Variants in MAN2A1 observed in about 807,000 individuals in gnomAD.
MAN2A1 encodes the protein alpha-mannosidase 2.
Under a neutral mutation model 142.6 loss-of-function variants are expected in MAN2A1, and 76 were observed. That is an observed-to-expected ratio of 0.53 (90% CI 0.44 to 0.65). MAN2A1 has a LOEUF of 0.65. Ranked by LOEUF, MAN2A1 falls within the 30% of genes least tolerant of loss-of-function variation. MAN2A1 has a pLI of 0.00. For missense variants in MAN2A1, 1,311 were observed against 1,365.1 expected, an observed-to-expected ratio of 0.96 and a Z score of 0.62; for synonymous variants, 559 against 473.2, an observed-to-expected ratio of 1.18 and a Z score of -2.35.
chr5:109,726,061 A>T (rs1420277663), intron 3 of MAN2A1, among the ~76,000 whole-genome samples: 1 of 152,182 alleles, frequency 6.6e-6, no homozygotes, highest in Non-Finnish European at 1.5e-5. Flanking sequence ...GGAAAAGAAT[A>T]AATTGAAAGG....
chr5:109,852,784 A>G (rs1028257838), intron 19 of MAN2A1, among the ~76,000 whole-genome samples: 3 of 152,238 alleles, frequency 2.0e-5, no homozygotes, highest in African/African-American at 7.2e-5. Context: ...CATGTTTTTA[A>G]AACTTTGGGT....
At chr5:109,763,055 G>A (rs1176326509) in intron 5 of MAN2A1, among the ~76,000 whole-genome samples, 1 of 152,198 alleles carries the variant, frequency 6.6e-6, no homozygotes, top group Non-Finnish European at 1.5e-5. Context: ...TCGTTATCAT[G>A]CTGGCTCAAG....
At chr5:109,724,369 A>T (rs570976690) in intron 3 of MAN2A1, among the ~76,000 whole-genome samples, 77 of 152,314 alleles carry the variant, frequency 5.1e-4, no homozygotes, top group African/African-American at 1.8e-3. Context: ...CCAAACCTCA[A>T]CATCATGCAA....
chr5:109,834,430 CT>C (rs1755008287), intron 16 of MAN2A1, among the ~76,000 whole-genome samples: 1 of 67,062 alleles, frequency 1.5e-5, no homozygotes, highest in African/African-American at 1.5e-4. Context: ...AACATTAGTA[CT>C]TTAAAAAAAA....
At chr5:109,692,969 A>T (rs897007942) in intron 1 of MAN2A1, among the ~76,000 whole-genome samples, 6 of 152,056 alleles carry the variant, frequency 3.9e-5, no homozygotes, top group Admixed American at 2.6e-4. Context: ...ATCTGACAGG[A>T]GGTGGAGCTC....
At chr5:109,731,397 C>A (rs1246223322) in intron 4 of MAN2A1, among the ~76,000 whole-genome samples, 2 of 151,236 alleles carry the variant, frequency 1.3e-5, no homozygotes, top group African/African-American at 4.9e-5. Flanking sequence ...TTTTAGGGTA[C>A]ATGTGCACAA....
At chr5:109,715,572 C>CTGG in intron 2 of MAN2A1, among the ~76,000 whole-genome samples, 1 of 152,050 alleles carries the variant, frequency 6.6e-6, no homozygotes, top group Admixed American at 6.5e-5. Context: ...ATGATTATGC[C>CTGG]TGGTTGACCC....
chr5:109,691,528 T>C (rs1750672343), intron 1 of MAN2A1, among the ~76,000 whole-genome samples: 1 of 152,320 alleles, frequency 6.6e-6, no homozygotes, highest in South Asian at 2.1e-4. Context: ...GACGTGAAGT[T>C]GATATATATT....
chr5:109,783,796 T>G (rs1753524099), intron 9 of MAN2A1, among the ~76,000 whole-genome samples: 2 of 149,340 alleles, frequency 1.3e-5, no homozygotes, highest in South Asian at 4.2e-4. Context: ...TGAAAAAACA[T>G]AAAAGGTGGA....
chr5:109,714,140 G>A (rs1751386714), intron 2 of MAN2A1, among the ~76,000 whole-genome samples: 1 of 147,746 alleles, frequency 6.8e-6, no homozygotes, highest in East Asian at 2.0e-4. Flanking sequence ...TTATATATCA[G>A]TTGTACATTA....
chr5:109,795,975 T>A (rs1349428361), intron 12 of MAN2A1, among the ~76,000 whole-genome samples: 1 of 152,212 alleles, frequency 6.6e-6, no homozygotes, highest in Non-Finnish European at 1.5e-5. Flanking sequence ...CTTCCCTCCC[T>A]CCAGTCTTTC....
chr5:109,690,043 C>G lies in MAN2A1; in HGVS notation c.-375C>G. 4.5e-6 allele frequency: 1 copy of G among 221,190 alleles called. No homozygotes were observed. Among genetic ancestry groups the G allele is most frequent in the Non-Finnish European group, 9.1e-6 (1 of 109,880 alleles). 13.7% of individuals were successfully genotyped at this position (221,190 alleles called of 1,614,324 possible). ...CCCTCGTCGAGAAAACTTTTCCTGC[C>G]GACTCAGTTGGGGCGGCGGTGGCAG... is the stretch of plus-strand genomic sequence containing the variant. On this transcript the variant is annotated 5_prime_UTR_variant, in exon 1 of 22. Coordinates refer to ENST00000261483, the MANE Select transcript of MAN2A1 (RefSeq NM_002372.4).
intron 16 of MAN2A1, among the ~76,000 whole-genome samples, chr5:109,827,914 A>AAG (rs1341500172): frequency 6.6e-6 from 1 of 152,132 alleles, no homozygotes; most frequent in African/African-American, 2.4e-5. Context: ...ATCCTGGCTA[A>AAG]CAAGGTGAAA....
intron 3 of MAN2A1, among the ~76,000 whole-genome samples, chr5:109,723,517 C>A (rs1306537588): frequency 6.6e-6 from 1 of 152,102 alleles, no homozygotes; most frequent in Non-Finnish European, 1.5e-5. Context: ...CAACTGCAGT[C>A]CATAACCATT....
chr5:109,774,992 T>C (rs1172811254), intron 8 of MAN2A1, 27 bp downstream of exon 8: 3 of 1,480,800 alleles, frequency 2.0e-6, no homozygotes, highest in African/African-American at 1.4e-5. Flanking sequence ...TATGATTCCG[T>C]ATTTGAAATT....
At chr5:109,795,094 G>T (rs942304248) in intron 12 of MAN2A1, among the ~76,000 whole-genome samples, 5 of 152,118 alleles carry the variant, frequency 3.3e-5, no homozygotes, top group Non-Finnish European at 5.9e-5. Context: ...AAAATTATTT[G>T]CATTGACTAG....
chr5:109,780,045 C>T (rs1753411881), intron 8 of MAN2A1, among the ~76,000 whole-genome samples: 1 of 151,924 alleles, frequency 6.6e-6, no homozygotes. Flanking sequence ...ATTGGCCAGT[C>T]ATGGTTGTAA....
chr5:109,739,901 G>A (rs976020177), intron 4 of MAN2A1, among the ~76,000 whole-genome samples: 2 of 152,174 alleles, frequency 1.3e-5, no homozygotes, highest in African/African-American at 4.8e-5. Context: ...CCAGGGCTTT[G>A]AATCTTTAGA....
chr5:109,783,840 G>T (rs1561510142), intron 9 of MAN2A1, among the ~76,000 whole-genome samples: 1 of 151,776 alleles, frequency 6.6e-6, no homozygotes, highest in Non-Finnish European at 1.5e-5. Context: ...TAGACTGAAG[G>T]TTTTTTCCTT....
Sources: gnomAD v4.1 joint callset for allele counts (sites outside exome capture counted in the v4.1 genomes callset) on GRCh38, gnomAD v4.1.1 for gene constraint, MANE v1.5 for transcripts, NCBI Gene and HGNC (gene_info 2026-07-23, HGNC 2026-07-21) for gene names.